The following SCYL2 variants were observed in gnomAD, a reference collection of about 807,000 sequenced individuals.
SCYL2 encodes SCY1 like pseudokinase 2.
SCYL2 carries 36 observed loss-of-function variants against 100.4 expected under a neutral mutation model. That is an observed-to-expected ratio of 0.36 (90% CI 0.27 to 0.47). SCYL2 has a LOEUF of 0.47. Ranked by LOEUF, SCYL2 falls within the 20% of genes least tolerant of loss-of-function variation. The pLI, the probability that SCYL2 is intolerant of heterozygous loss-of-function variation, is 1.00. For synonymous variants in SCYL2, 330 were observed against 359.2 expected, an observed-to-expected ratio of 0.92 and a Z score of 0.92; for missense variants, 902 against 1,083.9, an observed-to-expected ratio of 0.83 and a Z score of 2.36.
chr12:100,303,952 C>T (rs2096330843), intron 4 of SCYL2, among the ~76,000 whole-genome samples: 1 of 152,188 alleles, frequency 6.6e-6, no homozygotes, highest in African/African-American at 2.4e-5. Context: ...TCATAGATGC[C>T]TGCCCAGAGA....
At chr12:100,269,078 C>A (rs548609112) in intron 1 of SCYL2, among the ~76,000 whole-genome samples, 4 of 152,278 alleles carry the variant, frequency 2.6e-5, no homozygotes, top group African/African-American at 9.6e-5. Context: ...GTGACTTTTT[C>A]AAAATGCAGA....
chr12:100,324,285 A>G (rs753765799), intron 11 of SCYL2, among the ~76,000 whole-genome samples: 1 of 152,176 alleles, frequency 6.6e-6, no homozygotes, highest in Non-Finnish European at 1.5e-5. Context: ...AACACTAAAT[A>G]TAATAGTTTA....
intron 1 of SCYL2, among the ~76,000 whole-genome samples, chr12:100,272,065 C>T (rs142611944): frequency 6.6e-6 from 1 of 152,150 alleles, no homozygotes; most frequent in Non-Finnish European, 1.5e-5. Context: ...CTATTGAAAG[C>T]CAGGTGATGG....
At position 100,291,504 on chromosome 12, in the gene SCYL2, A is replaced by C; in HGVS notation, c.179A>C (p.Glu60Ala). ...FNGTKKSTKQEVAVFVFDKKL... is the reference protein window; with the variant it reads ...FNGTKKSTKQAVAVFVFDKKL... ...AAATTACACAATTCTTTTATTTAGGAAGTGGCAGTTTTTGTCTTTGATAAA... is the reference window on the plus strand; with the variant it reads ...AAATTACACAATTCTTTTATTTAGGCAGTGGCAGTTTTTGTCTTTGATAAA... The change falls in exon 3 of 18, where the codon GAA becomes GCA. Residue 60 changes from glutamate to alanine, a missense_variant and splice_region_variant. By Grantham distance (107) the Glu-to-Ala change is moderately radical. Coordinates refer to ENST00000360820, the MANE Select transcript of SCYL2 (RefSeq NM_017988.6). 1 of 1,524,942 alleles carries C rather than the reference A, an allele frequency of 6.6e-7. No homozygotes were observed. The highest frequency in any genetic ancestry group is 8.9e-7 in the Non-Finnish European group (1 of 1,129,422). 94.5% of individuals were successfully genotyped at this position (1,524,942 alleles called of 1,614,324 possible). A position where few individuals can be genotyped will look rare whatever the true frequency, so the allele number is the denominator to read the frequency against.
intron 9 of SCYL2, among the ~76,000 whole-genome samples, chr12:100,317,451 A>G (rs1342965175): frequency 6.6e-6 from 1 of 152,180 alleles, no homozygotes; most frequent in Non-Finnish European, 1.5e-5. Context: ...GCTTCATAGA[A>G]GCCAAGTGAT....
At chr12:100,275,417 AACTCCTGT>A (rs945352572) in intron 1 of SCYL2, among the ~76,000 whole-genome samples, 1 of 152,156 alleles carries the variant, frequency 6.6e-6, no homozygotes, top group African/African-American at 2.4e-5. Flanking sequence ...GCTGATCTCA[AACTCCTGT>A]ACTCAAGCAA....
chr12:100,315,198 G>A (rs2135906473), intron 8 of SCYL2, among the ~76,000 whole-genome samples: 1 of 152,274 alleles, frequency 6.6e-6, no homozygotes, highest in South Asian at 2.1e-4. Context: ...TGTAGCTAGG[G>A]TTAACGTGTG....
At chr12:100,275,402 C>T (rs1566340737) in intron 1 of SCYL2, among the ~76,000 whole-genome samples, 1 of 152,076 alleles carries the variant, frequency 6.6e-6, no homozygotes, top group Non-Finnish European at 1.5e-5. Context: ...TGATATGTTA[C>T]CCAGGCTGAT....
intron 3 of SCYL2, among the ~76,000 whole-genome samples, chr12:100,294,370 G>C (rs2096314862): frequency 8.4e-6 from 1 of 118,682 alleles, no homozygotes; most frequent in African/African-American, 3.2e-5. Flanking sequence ...GGGGCGGCTG[G>C]CCGGGCGGGG....
chr12:100,337,609 A>G, intron 17 of SCYL2, 103 bp downstream of exon 17: 2 of 1,108,534 alleles, frequency 1.8e-6, no homozygotes, highest in East Asian at 4.9e-5. Flanking sequence ...TATATCTCAA[A>G]TAATACCTTA....
At chr12:100,317,385 C>A (rs1336734053) in intron 9 of SCYL2, among the ~76,000 whole-genome samples, 1 of 152,112 alleles carries the variant, frequency 6.6e-6, no homozygotes, top group Non-Finnish European at 1.5e-5. Context: ...CTGCACCTGG[C>A]GTCTAGAATT....
At chr12:100,311,728 C>T (rs1002619270) in intron 5 of SCYL2, among the ~76,000 whole-genome samples, 2 of 152,198 alleles carry the variant, frequency 1.3e-5, no homozygotes, top group Non-Finnish European at 2.9e-5. Flanking sequence ...CGCAGCCTTT[C>T]TGCTTCCAAA....
At chr12:100,306,752 C>T (rs115982038) in intron 4 of SCYL2, among the ~76,000 whole-genome samples, 2,566 of 152,248 alleles carry the variant, frequency 0.017, 72 homozygotes, top group African/African-American at 0.058. Flanking sequence ...AACACTCCAT[C>T]GTCTCAGCTC....
chr12:100,292,485 A>C (rs2096311748), intron 3 of SCYL2, among the ~76,000 whole-genome samples: 1 of 152,120 alleles, frequency 6.6e-6, no homozygotes, highest in Admixed American at 6.6e-5. Context: ...TCAATTGTAC[A>C]GTTTTGCTTT....
chr12:100,326,389 T>C (rs1435727490), intron 11 of SCYL2, among the ~76,000 whole-genome samples: 1 of 152,170 alleles, frequency 6.6e-6, no homozygotes, highest in Non-Finnish European at 1.5e-5. Flanking sequence ...TAGTCATTCC[T>C]TGACTTTAGC....
rs563107465 is a variant in SCYL2 at position 100,316,752 on chromosome 12, C to A, written c.1272+1018C>A. Among the ~76,000 whole-genome samples, 3 of 152,276 alleles carry A rather than the reference C, an allele frequency of 2.0e-5. No individual in the cohort carries two copies. The East Asian group carries it at 5.8e-4, about 29-fold the overall frequency. On this transcript the variant is annotated intron_variant, in intron 9 of 17. Coordinates refer to ENST00000360820, the MANE Select transcript of SCYL2 (RefSeq NM_017988.6). ...CAGTCAAGATAGTACCCTAAGGATC[C>A]TATAATCTGAATTCTTATTTGCCTC...
At chr12:100,310,946 T>C in intron 4 of SCYL2, 98 bp from the exon 5 acceptor site, 1 of 1,209,492 alleles carries the variant, frequency 8.3e-7, no homozygotes, top group Non-Finnish European at 1.1e-6. Context: ...GCAAAACTTT[T>C]ATTGTGAAGA....
At chr12:100,291,830 ATG>A in intron 3 of SCYL2, 170 bp downstream of exon 3, 1 of 588,200 alleles carries the variant, frequency 1.7e-6, no homozygotes, top group South Asian at 2.7e-5. Flanking sequence ...GTCTACGTAT[ATG>A]TCTCTCTTTG....
At chr12:100,306,825 T>C (rs1240673058) in intron 4 of SCYL2, among the ~76,000 whole-genome samples, 1 of 151,930 alleles carries the variant, frequency 6.6e-6, no homozygotes, top group Non-Finnish European at 1.5e-5. Context: ...CAATAAAAAA[T>C]AACAAGCATT....
Sources: gnomAD v4.1 joint callset for allele counts (sites outside exome capture counted in the v4.1 genomes callset) on GRCh38, gnomAD v4.1.1 for gene constraint, MANE v1.5 for transcripts, NCBI Gene and HGNC (gene_info 2026-07-23, HGNC 2026-07-21) for gene names.